TRIM63: variants seen among roughly 807,000 people sequenced by gnomAD.
TRIM63 encodes E3 ubiquitin-protein ligase TRIM63.
A neutral mutation model predicts 46.0 loss-of-function variants in TRIM63; 48 were observed. The observed-to-expected ratio is 1.04, with a 90% CI of 0.83 to 1.33. TRIM63 has a LOEUF of 1.33. TRIM63 is among the 40% of genes most tolerant of loss of function. The pLI, the probability that TRIM63 is intolerant of heterozygous loss-of-function variation, is 0.00. For missense variants in TRIM63, 455 were observed against 441.2 expected (o/e 1.03, Z -0.28); for synonymous variants, 175 against 162.8 (o/e 1.08, Z -0.57).
chr1:26,067,169 G>C (rs1484426009), intron 1 of TRIM63, among the ~76,000 whole-genome samples, 167 bp downstream of exon 1: 1 of 151,820 alleles, frequency 6.6e-6, no homozygotes. Context: ...GCAGCAGCCA[G>C]AGCCGCCTCC....
At chr1:26,065,554 A>T (rs2050669638) in intron 2 of TRIM63, among the ~76,000 whole-genome samples, 1 of 151,864 alleles carries the variant, frequency 6.6e-6, no homozygotes, top group African/African-American at 2.4e-5. Flanking sequence ...CAATCATCCC[A>T]CCTTGGCCTC....
intron 2 of TRIM63, among the ~76,000 whole-genome samples, chr1:26,065,604 GC>G (rs964922053): frequency 6.6e-6 from 1 of 152,140 alleles, no homozygotes; most frequent in African/African-American, 2.4e-5. Context: ...ACCATGCCTG[GC>G]CCTCTCTCCC....
rs1377523893 is a variant in TRIM63 at position 26,067,355 on chromosome 1, C to T, written c.140G>A (p.Cys47Tyr). ...LPCQHNLCRK[C>Y]ANDIFQAANP... ...ACTTACCTGGAAGATGTCATTGGCA[C>T]ACTTCCGGCACAGGTTGTGCTGGCA... The change falls in exon 1 of 9, where the codon TGT (cysteine) becomes TAT (tyrosine). Residue 47 changes from cysteine to tyrosine, a missense_variant. Transcript: ENST00000374272. 1.9e-6 allele frequency: 3 copies of T among 1,614,162 alleles called. No homozygotes were observed. The East Asian group carries it at 6.7e-5, about 36-fold the overall frequency.
intron 2 of TRIM63, among the ~76,000 whole-genome samples, chr1:26,063,300 C>T (rs753858427): frequency 3.9e-5 from 6 of 152,158 alleles, no homozygotes; most frequent in African/African-American, 1.4e-4. Flanking sequence ...ACACTACCTT[C>T]GATTCCCAGC....
Position 26,060,380 on chromosome 1 carries a change from G to C in TRIM63, c.502-19C>G. 1 of 1,602,478 alleles carries C rather than the reference G, an allele frequency of 6.2e-7. No homozygotes were observed. Among genetic ancestry groups the C allele is most frequent in the Non-Finnish European group, 8.5e-7 (1 of 1,169,760 alleles). On this transcript the variant is annotated intron_variant, in intron 3 of 8. Transcript: ENST00000374272. The stretch of plus-strand genomic sequence containing the variant: ...GTTCAGTCTAGATGGGGGTGTGGGG[G>C]TCAGGAGAGGAGAGACACAAATAGC...
intron 5 of TRIM63, 123 bp from the exon 6 acceptor site, chr1:26,057,773 C>T: frequency 1.0e-6 from 1 of 1,002,848 alleles, no homozygotes; most frequent in Non-Finnish European, 1.5e-6. Flanking sequence ...CCAGTTGTGA[C>T]CTGCTCCCCA....
chr1:26,058,463 A>T lies in TRIM63; in HGVS notation c.758T>A (p.Leu253Gln). The T allele has an allele frequency of 6.2e-7, 1 of 1,614,166 alleles. No homozygotes were observed. Among genetic ancestry groups the T allele is most frequent in the South Asian group, 1.1e-5 (1 of 91,078 alleles). ...EALIQQYQEQ[L>Q]DKSTKLVETA... ...TTCCACCAGCTTTGTGGACTTGTCC[A>T]GCTGCTCCTGGTACTGCTGGATGAG... The change falls in exon 5 of 9, where the codon CTG (leucine) becomes CAG (glutamine). Residue 253 changes from leucine (L) to glutamine (Q), a missense_variant. Transcript: ENST00000374272.
At chr1:26,062,276 AAAAAAAAAAG>A (rs1303619871) in intron 2 of TRIM63, among the ~76,000 whole-genome samples, 4 of 101,318 alleles carry the variant, frequency 3.9e-5, no homozygotes, top group South Asian at 2.4e-4. Flanking sequence ...GTCTCAAAAA[AAAAAAAAAAG>A]AAAGAAAGAA....
At position 26,057,522 on chromosome 1, in the gene TRIM63, A is replaced by G. The variant is rs12059101; in HGVS notation, c.854+106T>C. On this transcript the variant is annotated intron_variant, in intron 6 of 8. Coordinates refer to ENST00000374272, the MANE Select transcript of TRIM63 (RefSeq NM_032588.4). ...TGCAAAGGGTCAGGGAAGCCAGCCT[A>G]GAGTGAGACCCTCCCAGCAGGCCTA... The G allele has an allele frequency of 0.19, 277,039 of 1,435,878 alleles. 28,279 individuals carry two copies. The highest frequency in any genetic ancestry group is 0.21 in the Non-Finnish European group (225,777 of 1,060,596). 88.9% of individuals were successfully genotyped at this position (1,435,878 alleles called of 1,614,324 possible). A position where few individuals can be genotyped will look rare whatever the true frequency, so the allele number is the denominator to read the frequency against.
intron 2 of TRIM63, 27 bp downstream of exon 2, chr1:26,066,241 G>A (rs746380932): frequency 5.1e-5 from 83 of 1,612,456 alleles, no homozygotes; most frequent in East Asian, 3.6e-4. Context: ...GAAGGAGGGC[G>A]GGCCCCCAGC....
intron 7 of TRIM63, among the ~76,000 whole-genome samples, chr1:26,054,566 C>T (rs1399332692): frequency 5.3e-5 from 8 of 152,110 alleles, no homozygotes; most frequent in South Asian, 2.1e-4. Flanking sequence ...GAGATGTCAC[C>T]GTCAAGCTTT....
intron 2 of TRIM63, among the ~76,000 whole-genome samples, chr1:26,062,538 A>G (rs2050635706): frequency 6.6e-6 from 1 of 152,204 alleles, no homozygotes; most frequent in Non-Finnish European, 1.5e-5. Context: ...TGTATGCCCC[A>G]TGTCATGGTG....
At chr1:26,053,516 C>T (rs999467970) in intron 8 of TRIM63, among the ~76,000 whole-genome samples, 1 of 152,210 alleles carries the variant, frequency 6.6e-6, no homozygotes, top group Admixed American at 6.5e-5. Flanking sequence ...GCCACCGTGC[C>T]TGTCCAGCAA....
At chr1:26,064,599 T>C (rs1569746254) in intron 2 of TRIM63, among the ~76,000 whole-genome samples, 1 of 152,148 alleles carries the variant, frequency 6.6e-6, no homozygotes, top group Non-Finnish European at 1.5e-5. Flanking sequence ...GAGAAGCAGA[T>C]AGGAAAAATG....
At chr1:26,057,685 C>A (rs774157215) in intron 5 of TRIM63, 35 bp from the exon 6 acceptor site, 6 of 1,587,132 alleles carry the variant, frequency 3.8e-6, no homozygotes, top group Non-Finnish European at 5.1e-6. Flanking sequence ...ATTAGGACCG[C>A]AGAAGAGGTA....
At chr1:26,060,846 A>G (rs578157791) in intron 3 of TRIM63, among the ~76,000 whole-genome samples, 1 of 152,216 alleles carries the variant, frequency 6.6e-6, no homozygotes, top group South Asian at 2.1e-4. Flanking sequence ...CTTGGAGAAG[A>G]GGTGAGAGGC....
At chr1:26,054,598 C>T (rs535045859) in intron 7 of TRIM63, among the ~76,000 whole-genome samples, 243 of 152,274 alleles carry the variant, frequency 1.6e-3, no homozygotes, top group African/African-American at 5.5e-3. Context: ...TCTCCCTTCC[C>T]CGCTCCTCTC....
rs544479466 is a variant in TRIM63, at chr1:26,056,808, G to T, written c.979+395C>A. On this transcript the variant is annotated intron_variant, in intron 7 of 8. Transcript: ENST00000374272. ...GAGTTTGGCTGGCTCTTTTGCCCAG[G>T]CTGGAGTGCAGTGGCACAATCTCGG... Among the ~76,000 whole-genome samples the T allele has an allele frequency of 5.3e-5, 8 of 150,654 alleles. 1 individual carries two copies. The South Asian group carries it at 1.5e-3, about 28-fold the overall frequency.
Position 26,060,374 on chromosome 1 carries a change from G to T in TRIM63, c.502-13C>A, listed in dbSNP as rs765723606. Reference sequence around the variant, plus strand: ...TATTCAGTTCAGTCTAGATGGGGGTGTGGGGGTCAGGAGAGGAGAGACACA... The same window carrying T: ...TATTCAGTTCAGTCTAGATGGGGGTTTGGGGGTCAGGAGAGGAGAGACACA... On this transcript the variant is annotated splice_polypyrimidine_tract_variant and intron_variant, in intron 3 of 8. Transcript: ENST00000374272. 4.3e-6 allele frequency: 7 copies of T among 1,609,836 alleles called. No individual in the cohort carries two copies. Among genetic ancestry groups the T allele is most frequent in the African/African-American group, 2.7e-5 (2 of 74,824 alleles).
Sources: allele counts gnomAD v4.1 joint callset (sites outside exome capture counted in the v4.1 genomes callset), GRCh38; gene constraint gnomAD v4.1.1; transcripts MANE v1.5; gene names NCBI Gene and HGNC (gene_info 2026-07-23, HGNC 2026-07-21).